The following FAT3 variants were observed in gnomAD, a reference collection of about 807,000 sequenced individuals.
The protein encoded by FAT3 is protocadherin Fat 3.
FAT3 carries 95 observed loss-of-function variants against 310.2 expected under a neutral mutation model. The observed-to-expected ratio is 0.31, with a 90% confidence interval of 0.26 to 0.36. FAT3 has a LOEUF of 0.36. FAT3 is among the 10% of genes least tolerant of loss of function. The probability of loss-of-function intolerance (pLI) is 1.00; values close to 1 mark genes in which losing one functional copy is unlikely to be tolerated. For synonymous variants in FAT3, 2,314 were observed against 2,192.9 expected (o/e 1.06, Z -1.54); for missense variants, 5,408 against 5,715.6 (o/e 0.95, Z 1.74).
At chr11:92,617,932 G>C (rs1940891712) in intron 3 of FAT3, among the ~76,000 whole-genome samples, 3 of 152,218 alleles carry the variant, frequency 2.0e-5, no homozygotes, top group Admixed American at 1.3e-4. Context: ...TCGGGCATCA[G>C]GGCCCACTTG....
intron 2 of FAT3, among the ~76,000 whole-genome samples, chr11:92,422,566 G>A (rs1489079623): frequency 6.6e-6 from 1 of 152,176 alleles, no homozygotes; most frequent in African/African-American, 2.4e-5. Context: ...ACATAGGATG[G>A]AGGAGACAGG....
intron 2 of FAT3, among the ~76,000 whole-genome samples, chr11:92,424,579 T>C (rs1273508424): frequency 6.6e-6 from 1 of 152,178 alleles, no homozygotes; most frequent in Non-Finnish European, 1.5e-5. Context: ...TGCAGTCTAG[T>C]AGTAGACTGC....
intron 1 of FAT3, among the ~76,000 whole-genome samples, chr11:92,238,820 A>T (rs1412082756): frequency 6.6e-6 from 1 of 152,104 alleles, no homozygotes; most frequent in Admixed American, 6.6e-5. Flanking sequence ...ATGTGGATAA[A>T]GAATCCTGAA....
chr11:92,735,673 A>G (rs749338081), intron 4 of FAT3, among the ~76,000 whole-genome samples: 61 of 152,120 alleles, frequency 4.0e-4, no homozygotes, highest in Non-Finnish European at 7.2e-4. Flanking sequence ...TTAATTTACA[A>G]TGATTTAGTA....
At chr11:92,343,568 A>G (rs1948328791) in intron 1 of FAT3, among the ~76,000 whole-genome samples, 1 of 152,194 alleles carries the variant, frequency 6.6e-6, no homozygotes, top group Non-Finnish European at 1.5e-5. Flanking sequence ...TATATGGATG[A>G]TTATTCAACC....
chr11:92,305,242 A>G (rs906414428), intron 1 of FAT3, among the ~76,000 whole-genome samples: 1 of 152,160 alleles, frequency 6.6e-6, no homozygotes, highest in Admixed American at 6.6e-5. Context: ...TAGATAAACC[A>G]GCTATGTTGG....
chr11:92,681,232 A>T (rs1355759514), intron 3 of FAT3, among the ~76,000 whole-genome samples: 1 of 152,222 alleles, frequency 6.6e-6, no homozygotes, highest in Non-Finnish European at 1.5e-5. Context: ...AAATATGCCC[A>T]CAGGATGACT....
intron 2 of FAT3, among the ~76,000 whole-genome samples, chr11:92,474,683 C>T (rs1952003000): frequency 6.6e-6 from 1 of 152,004 alleles, no homozygotes; most frequent in African/African-American, 2.4e-5. Flanking sequence ...GGGAAAGCTC[C>T]CTGGAGATGG....
intron 1 of FAT3, among the ~76,000 whole-genome samples, chr11:92,240,525 C>G (rs1864631131): frequency 6.8e-6 from 1 of 147,626 alleles, no homozygotes; most frequent in South Asian, 2.1e-4. Flanking sequence ...TTAGTAGTAA[C>G]TAATAGTAAT....
intron 13 of FAT3, among the ~76,000 whole-genome samples, chr11:92,823,106 A>G (rs1309351263): frequency 6.6e-6 from 1 of 152,116 alleles, no homozygotes; most frequent in Non-Finnish European, 1.5e-5. Flanking sequence ...AAGTGGTGGG[A>G]GCCATCCTTC....
chr11:92,557,665 G>C (rs1955069999), intron 3 of FAT3, among the ~76,000 whole-genome samples: 1 of 152,218 alleles, frequency 6.6e-6, no homozygotes, highest in African/African-American at 2.4e-5. Flanking sequence ...ATAGACTGCA[G>C]CTCTCTGCCC....
chr11:92,608,269 T>G (rs1241632697), intron 3 of FAT3, among the ~76,000 whole-genome samples: 1 of 152,184 alleles, frequency 6.6e-6, no homozygotes, highest in Non-Finnish European at 1.5e-5. Flanking sequence ...GTGAGTTGTT[T>G]GAGGCAATAT....
intron 3 of FAT3, among the ~76,000 whole-genome samples, chr11:92,555,584 C>T (rs1487494783): frequency 6.6e-6 from 1 of 152,136 alleles, no homozygotes; most frequent in African/African-American, 2.4e-5. Context: ...AGCTAACACC[C>T]AGAGCCAAGC....
chr11:92,827,870 T>A lies in FAT3; in HGVS notation c.9482-3752T>A, dbSNP rs534282801. Reference sequence around the variant, plus strand: ...TTCAATTCTCTGAAGGCCTGTCTGCTCCATTTGCCACAGATAACATGCAGA... The same window carrying A: ...TTCAATTCTCTGAAGGCCTGTCTGCACCATTTGCCACAGATAACATGCAGA... On this transcript the variant is annotated intron_variant, in intron 13 of 27. Transcript: ENST00000525166. Among the ~76,000 whole-genome samples the A allele has an allele frequency of 4.1e-4, 63 of 152,316 alleles. 1 individual carries two copies. The highest frequency in any genetic ancestry group is 3.1e-3 in the South Asian group (15 of 4,826).
chr11:92,857,031 A>G (rs952848777), intron 19 of FAT3, among the ~76,000 whole-genome samples, 183 bp from the exon 20 acceptor site: 4 of 152,152 alleles, frequency 2.6e-5, no homozygotes, highest in African/African-American at 9.7e-5. Flanking sequence ...ATGGACACCC[A>G]CACCAGGTGA....
chr11:92,575,139 C>A (rs2135515563), intron 3 of FAT3, among the ~76,000 whole-genome samples: 1 of 152,144 alleles, frequency 6.6e-6, no homozygotes, highest in African/African-American at 2.4e-5. Context: ...TCACTAATAT[C>A]TTTTAGGTAT....
intron 4 of FAT3, 21 bp downstream of exon 4, chr11:92,697,466 G>A (rs762123364): frequency 1.2e-6 from 2 of 1,611,962 alleles, no homozygotes; most frequent in Non-Finnish European, 1.7e-6. Flanking sequence ...AGAGGGAACT[G>A]AAATTCATTA....
chr11:92,734,089 A>G (rs746153450), intron 4 of FAT3, among the ~76,000 whole-genome samples: 1 of 152,192 alleles, frequency 6.6e-6, no homozygotes, highest in Admixed American at 6.5e-5. Context: ...CCAGCCTCCA[A>G]AGTCCTCTCT....
intron 3 of FAT3, among the ~76,000 whole-genome samples, chr11:92,612,346 A>T (rs1940604445): frequency 6.6e-6 from 1 of 152,060 alleles, no homozygotes; most frequent in South Asian, 2.1e-4. Flanking sequence ...AAATCATTTT[A>T]TCAGTTTTGC....
Sources: gnomAD v4.1 joint callset for allele counts (sites outside exome capture counted in the v4.1 genomes callset) on GRCh38, gnomAD v4.1.1 for gene constraint, MANE v1.5 for transcripts, NCBI Gene and HGNC (gene_info 2026-07-23, HGNC 2026-07-21) for gene names.